The following CATSPERB variants were observed in gnomAD, a reference collection of about 807,000 sequenced individuals.
CATSPERB encodes the protein catsper channel auxiliary subunit beta.
Under a neutral mutation model 128.3 loss-of-function variants are expected in CATSPERB, and 93 were observed. That is an observed-to-expected ratio of 0.72 (90% CI 0.61 to 0.86). The LOEUF (loss-of-function observed/expected upper bound fraction) is 0.86, where lower values mean the gene tolerates loss of function less well. CATSPERB is among the 40% of genes least tolerant of loss of function. CATSPERB has a pLI of 0.00. For missense variants in CATSPERB, 1,153 were observed against 1,329.5 expected, an observed-to-expected ratio of 0.87 and a Z score of 2.06; for synonymous variants, 381 against 448.8, an observed-to-expected ratio of 0.85 and a Z score of 1.91.
intron 17 of CATSPERB, among the ~76,000 whole-genome samples, chr14:91,633,829 T>TAGAG (rs778834883): frequency 6.6e-6 from 1 of 151,466 alleles, no homozygotes; most frequent in African/African-American, 2.4e-5. Context: ...AATATATATA[T>TAGAG]ATAGAGAGAG....
chr14:91,631,268 A>C (rs1368677033), intron 17 of CATSPERB, among the ~76,000 whole-genome samples: 2 of 152,248 alleles, frequency 1.3e-5, no homozygotes, highest in Non-Finnish European at 2.9e-5. Flanking sequence ...ATATTCATTG[A>C]ATGAATGAAG....
At chr14:91,589,491 T>G (rs776001834) in intron 24 of CATSPERB, 43 bp downstream of exon 24, 12 of 1,581,462 alleles carry the variant, frequency 7.6e-6, no homozygotes, top group Admixed American at 3.5e-5. Context: ...AGTAACAATA[T>G]TACTTATCAG....
intron 14 of CATSPERB, among the ~76,000 whole-genome samples, chr14:91,663,046 T>C (rs1894912485): frequency 6.6e-6 from 1 of 152,126 alleles, no homozygotes; most frequent in Non-Finnish European, 1.5e-5. Context: ...CCTCTTTCTC[T>C]CCTTCTTCTT....
intron 15 of CATSPERB, among the ~76,000 whole-genome samples, chr14:91,658,663 T>A: frequency 7.8e-6 from 1 of 128,052 alleles, no homozygotes; most frequent in Non-Finnish European, 1.6e-5. Flanking sequence ...TCCCATAAAT[T>A]TATACACCTA....
Position 91,588,824 on chromosome 14 carries a change from C to T in CATSPERB, c.2956+710G>A, listed in dbSNP as rs574974229. Among the ~76,000 whole-genome samples, 9 of 152,234 alleles carry T rather than the reference C, an allele frequency of 5.9e-5. No individual in the cohort carries two copies. The South Asian group carries it at 1.9e-3, about 32-fold the overall frequency. The stretch of plus-strand genomic sequence containing the variant: ...CAGAAAATGGGGATGTCAGTTAATG[C>T]AAAATATTTAGTAGCTTTATTTTGC... On this transcript the variant is annotated intron_variant, in intron 24 of 26. Transcript: ENST00000256343.
At chr14:91,688,800 G>A (rs755000957) in intron 10 of CATSPERB, among the ~76,000 whole-genome samples, 1 of 152,190 alleles carries the variant, frequency 6.6e-6, no homozygotes, top group Non-Finnish European at 1.5e-5. Context: ...TATTGACTGT[G>A]TTCTTGCTAA....
chr14:91,706,123 G>C (rs1282007756), intron 6 of CATSPERB, among the ~76,000 whole-genome samples: 14 of 152,104 alleles, frequency 9.2e-5, no homozygotes, highest in Admixed American at 9.2e-4. Context: ...AATAAAATCT[G>C]CTACAAACCC....
chr14:91,594,448 G>A (rs1387273475), intron 22 of CATSPERB, among the ~76,000 whole-genome samples: 1 of 150,700 alleles, frequency 6.6e-6, no homozygotes, highest in African/African-American at 2.4e-5. Context: ...TGCACGTTGT[G>A]CACATGTACC....
intron 10 of CATSPERB, among the ~76,000 whole-genome samples, chr14:91,684,580 A>C (rs1895341410): frequency 6.6e-6 from 1 of 151,564 alleles, no homozygotes; most frequent in Non-Finnish European, 1.5e-5. Context: ...CTAATGACAA[A>C]ACTTGAACAC....
At chr14:91,628,196 A>G (rs568331338) in intron 17 of CATSPERB, among the ~76,000 whole-genome samples, 1 of 152,206 alleles carries the variant, frequency 6.6e-6, no homozygotes, top group African/African-American at 2.4e-5. Flanking sequence ...TGCCCAGACT[A>G]GGCTTGAACT....
At chr14:91,691,624 A>T (rs1355785148) in intron 9 of CATSPERB, 69 bp from the exon 10 acceptor site, 1 of 1,151,406 alleles carries the variant, frequency 8.7e-7, no homozygotes, top group African/African-American at 1.5e-5. Context: ...TAGCAATTTA[A>T]ATTATACTAA....
At chr14:91,723,000 T>A (rs1184486475) in intron 4 of CATSPERB, 49 bp downstream of exon 4, 2 of 1,355,022 alleles carry the variant, frequency 1.5e-6, no homozygotes, top group Non-Finnish European at 1.9e-6. Flanking sequence ...TAAGGAAGAG[T>A]ATGCTTCTTG....
intron 26 of CATSPERB, among the ~76,000 whole-genome samples, chr14:91,586,680 C>T (rs1387962342): frequency 6.6e-6 from 1 of 152,160 alleles, no homozygotes. Context: ...GCCTCACAGG[C>T]AGCACATGTC....
At chr14:91,645,892 G>A (rs1894592719) in intron 15 of CATSPERB, among the ~76,000 whole-genome samples, 1 of 148,436 alleles carries the variant, frequency 6.7e-6, no homozygotes, top group Non-Finnish European at 1.5e-5. Flanking sequence ...CGAGCCAGGT[G>A]TGGGATATAG....
At chr14:91,690,227 A>G (rs1385271980) in intron 10 of CATSPERB, among the ~76,000 whole-genome samples, 3 of 152,202 alleles carry the variant, frequency 2.0e-5, no homozygotes, top group Non-Finnish European at 4.4e-5. Flanking sequence ...TCCTGACTTC[A>G]GGTGATCCAC....
At chr14:91,702,675 AACAC>A (rs71461951) in intron 7 of CATSPERB, among the ~76,000 whole-genome samples, 22,732 of 145,496 alleles carry the variant, frequency 0.16, 2,144 homozygotes, top group South Asian at 0.27. Flanking sequence ...CAAAAAAGAA[AACAC>A]ACACACACAC....
At chr14:91,593,805 G>T (rs1893451997) in intron 22 of CATSPERB, among the ~76,000 whole-genome samples, 1 of 152,182 alleles carries the variant, frequency 6.6e-6, no homozygotes, top group South Asian at 2.1e-4. Context: ...GGGGCAGAAT[G>T]ATATGGTTTG....
At chr14:91,678,231 C>G (rs1895224215) in intron 11 of CATSPERB, among the ~76,000 whole-genome samples, 1 of 152,154 alleles carries the variant, frequency 6.6e-6, no homozygotes, top group African/African-American at 2.4e-5. Context: ...TATCCTGGAA[C>G]TTAAAGTAAA....
At chr14:91,622,068 C>T (rs1228001268) in intron 18 of CATSPERB, 131 bp from the exon 19 acceptor site, 1 of 556,192 alleles carries the variant, frequency 1.8e-6, no homozygotes, top group African/African-American at 1.9e-5. Flanking sequence ...ACACAGTTGC[C>T]AAATTTCAGT....
Sources: allele counts gnomAD v4.1 joint callset (sites outside exome capture counted in the v4.1 genomes callset), GRCh38; gene constraint gnomAD v4.1.1; transcripts MANE v1.5; gene names NCBI Gene and HGNC (gene_info 2026-07-23, HGNC 2026-07-21).